Variants in C20orf96 observed in about 807,000 individuals in gnomAD.
C20orf96 encodes the protein chromosome 20 open reading frame 96, also known as uncharacterized protein C20orf96.
C20orf96 carries 57 observed loss-of-function variants against 52.6 expected under a neutral mutation model. The observed-to-expected ratio is 1.08, with a 90% CI of 0.88 to 1.35. C20orf96 has a LOEUF of 1.35. Ranked by LOEUF, C20orf96 falls within the 40% of genes most tolerant of loss-of-function variation. The pLI is 0.00. For synonymous variants in C20orf96, 168 were observed against 157.2 expected (o/e 1.07, Z -0.51); for missense variants, 478 against 443.6 (o/e 1.08, Z -0.70).
intron 3 of C20orf96, 25 bp from the exon 4 acceptor site, chr20:284,106 G>A: frequency 1.3e-6 from 2 of 1,594,576 alleles, no homozygotes; most frequent in African/African-American, 1.3e-5. Context: ...GAAAGGACAG[G>A]GAGAGAGTGA....
chr20:290,010 A>G (rs375814006), intron 2 of C20orf96, among the ~76,000 whole-genome samples: 1 of 152,234 alleles, frequency 6.6e-6, no homozygotes, highest in African/African-American at 2.4e-5. Flanking sequence ...ACCCTCAGGA[A>G]ACCAGAGCAG....
intron 10 of C20orf96, among the ~76,000 whole-genome samples, chr20:274,628 C>T (rs942097576): frequency 3.3e-5 from 5 of 151,998 alleles, no homozygotes; most frequent in Admixed American, 6.5e-5. Context: ...CTATTTATTA[C>T]GTCCCCCGGA....
In C20orf96 at chr20:271,906, C is replaced by T. The variant is rs77098612; in HGVS notation, c.1032-639G>A. Among the ~76,000 whole-genome samples the T allele has an allele frequency of 9.1e-4, 139 of 152,242 alleles. 1 individual carries two copies. The East Asian group carries it at 0.024, about 27-fold the overall frequency. The stretch of plus-strand genomic sequence containing the variant: ...GATGGATTCCCATCAGCAATATATT[C>T]CCCATTGCAGGGACCAGCACAAATA... On this transcript the variant is annotated intron_variant, in intron 10 of 10. Coordinates refer to ENST00000360321, the MANE Select transcript of C20orf96 (RefSeq NM_153269.3).
intron 10 of C20orf96, among the ~76,000 whole-genome samples, chr20:273,805 A>T (rs138538496): frequency 0.034 from 5,114 of 151,050 alleles, 163 homozygotes; most frequent in African/African-American, 0.087. Flanking sequence ...TGAACCCAGG[A>T]GGCGGAGGTT....
chr20:274,631 C>A (rs939079853), intron 10 of C20orf96, among the ~76,000 whole-genome samples: 1 of 151,954 alleles, frequency 6.6e-6, no homozygotes, highest in African/African-American at 2.4e-5. Context: ...TTTATTACGT[C>A]CCCCGGAGAC....
At chr20:278,941 C>A (rs117961985) in intron 5 of C20orf96, among the ~76,000 whole-genome samples, 73 of 2,852 alleles carry the variant, frequency 0.026, 2 homozygotes, top group South Asian at 0.05. Flanking sequence ...GGAGGGAGGG[C>A]GGGACGGAGG....
At chr20:276,281 G>C in intron 9 of C20orf96, 195 bp from the exon 10 acceptor site, 3 of 985,470 alleles carry the variant, frequency 3.0e-6, no homozygotes, top group Non-Finnish European at 3.6e-6. Context: ...ACAATATTCA[G>C]TGGTGCTGAA....
chr20:285,159 C>A (rs6106276), intron 3 of C20orf96, among the ~76,000 whole-genome samples: 1 of 152,116 alleles, frequency 6.6e-6, no homozygotes, highest in South Asian at 2.1e-4. Context: ...ACAGCAGCCA[C>A]GCAAAACTCC....
chr20:279,137 A>AGGTT, intron 5 of C20orf96, 35 bp downstream of exon 5: 1 of 1,106,560 alleles, frequency 9.0e-7, no homozygotes, highest in Non-Finnish European at 1.2e-6. Context: ...GTTGGGACGG[A>AGGTT]GGGACGGAGG....
At chr20:275,742 C>T (rs1465002868) in intron 10 of C20orf96, among the ~76,000 whole-genome samples, 1 of 152,200 alleles carries the variant, frequency 6.6e-6, no homozygotes, top group Admixed American at 6.5e-5. Flanking sequence ...GAGATTACAC[C>T]ACCCAGCCTG....
chr20:282,816 G>A (rs2012286117), intron 4 of C20orf96, among the ~76,000 whole-genome samples: 1 of 152,146 alleles, frequency 6.6e-6, no homozygotes, highest in South Asian at 2.1e-4. Flanking sequence ...AGGTTGCAGT[G>A]ACCTGAGATC....
Position 283,474 on chromosome 20 carries a change from T to C in C20orf96, c.306+489A>G, listed in dbSNP as rs143624118. Among the ~76,000 whole-genome samples the C allele has an allele frequency of 5.0e-4, 76 of 152,160 alleles. 1 individual carries two copies. The East Asian group carries it at 0.014, about 27-fold the overall frequency. On this transcript the variant is annotated intron_variant, in intron 4 of 10. Transcript: ENST00000360321. ...GCGTGCTACCACACCCAGCTAATTT[T>C]TGTAGTTTGAGTAGAAACGGGGTTT...
chr20:290,361 G>C, intron 1 of C20orf96, 54 bp from the exon 2 acceptor site: 3 of 1,599,968 alleles, frequency 1.9e-6, no homozygotes, highest in Non-Finnish European at 2.6e-6. Flanking sequence ...CCAAGGGGCA[G>C]CAAGCAGCAA....
At chr20:290,490 G>A (rs1451476624) in intron 1 of C20orf96, 101 bp downstream of exon 1, 3 of 1,490,692 alleles carry the variant, frequency 2.0e-6, no homozygotes, top group East Asian at 2.5e-5. Context: ...TCAGAAGACC[G>A]AGGGCGACCT....
At chr20:282,961 G>A (rs2012290334) in intron 4 of C20orf96, among the ~76,000 whole-genome samples, 1 of 152,138 alleles carries the variant, frequency 6.6e-6, no homozygotes, top group South Asian at 2.1e-4. Context: ...AAGATAAAAG[G>A]TTAAAGGGGA....
At chr20:271,443 TACACACACACACACACACACACACAC>T (rs71191933) in intron 10 of C20orf96, among the ~76,000 whole-genome samples, 176 bp from the exon 11 acceptor site, 2 of 134,542 alleles carry the variant, frequency 1.5e-5, no homozygotes, top group East Asian at 2.2e-4. Context: ...TACACAAGCA[TACACACACACACACACACACACACAC>T]ACACACACAC....
chr20:289,607 T>G lies in C20orf96; in HGVS notation c.139A>C (p.Asn47His). The G allele has an allele frequency of 6.2e-7, 1 of 1,614,102 alleles. No individual in the cohort carries two copies. Among genetic ancestry groups the G allele is most frequent in the East Asian group, 2.2e-5 (1 of 44,882 alleles). Reference protein sequence around the residue: ...PSTLPPVQQANSLHTSKMKTL... With the variant: ...PSTLPPVQQAHSLHTSKMKTL... ...TTCATTTTGCTTGTATGAAGGCTGT[T>G]GGCTTGTTGGACTGGAGGCAGAGTA... The change falls in exon 3 of 11, where the codon AAC becomes CAC. Residue 47 changes from asparagine (N) to histidine (H), a missense_variant. Transcript: ENST00000360321.
At chr20:277,469 G>T in intron 6 of C20orf96, 86 bp from the exon 7 acceptor site, 1 of 1,438,358 alleles carries the variant, frequency 7.0e-7, no homozygotes, top group Non-Finnish European at 9.5e-7. Flanking sequence ...AGGAGGCAAG[G>T]TCTCCTTGGC....
At chr20:275,064 G>A (rs2122236150) in intron 10 of C20orf96, among the ~76,000 whole-genome samples, 1 of 152,276 alleles carries the variant, frequency 6.6e-6, no homozygotes. Flanking sequence ...TGATCCACCG[G>A]CCTTGGCCTC....
Sources: gnomAD v4.1 joint callset for allele counts (sites outside exome capture counted in the v4.1 genomes callset) on GRCh38, gnomAD v4.1.1 for gene constraint, MANE v1.5 for transcripts, NCBI Gene and HGNC (gene_info 2026-07-23, HGNC 2026-07-21) for gene names.